The following FMN2 variants were observed in gnomAD, a reference collection of about 807,000 sequenced individuals.
FMN2 encodes formin-2.
A neutral mutation model predicts 142.3 loss-of-function variants in FMN2; 51 were observed. The observed-to-expected ratio is 0.36, with a 90% CI of 0.29 to 0.45. The LOEUF (loss-of-function observed/expected upper bound fraction) is 0.45, where lower values mean the gene tolerates loss of function less well. FMN2 is among the 20% of genes least tolerant of loss of function. FMN2 has a pLI of 1.00. For missense variants in FMN2, 1,936 were observed against 2,122.8 expected, an observed-to-expected ratio of 0.91 and a Z score of 1.73; for synonymous variants, 882 against 869.8, an observed-to-expected ratio of 1.01 and a Z score of -0.25.
At chr1:240,261,135 T>G (rs996590302) in intron 7 of FMN2, among the ~76,000 whole-genome samples, 1 of 152,234 alleles carries the variant, frequency 6.6e-6, no homozygotes, top group Non-Finnish European at 1.5e-5. Context: ...ACCAGTACCA[T>G]GCTGTTTTGG....
chr1:240,138,877 TCTTA>T (rs908525679), intron 2 of FMN2, among the ~76,000 whole-genome samples: 26 of 152,286 alleles, frequency 1.7e-4, no homozygotes, highest in African/African-American at 6.3e-4. Flanking sequence ...AATAAAATAA[TCTTA>T]CTTATATTTG....
chr1:240,355,893 CA>C lies in FMN2; in HGVS notation c.4845del (p.Gln1615HisfsTer17). The C allele has an allele frequency of 7.3e-7, 1 of 1,379,056 alleles. No individual in the cohort carries two copies. The highest frequency in any genetic ancestry group is 9.6e-7 in the Non-Finnish European group (1 of 1,037,018). The allele number at this position is 1,379,056 out of a possible 1,614,324, so 85.4% of individuals were successfully genotyped here. ...GCAGCCTTTCAAGGAAAACATGGAACAATTTATTATTCAAGGTAAATTCCAA... is the reference window on the plus strand; with the variant it reads ...GCAGCCTTTCAAGGAAAACATGGAACATTTATTATTCAAGGTAAATTCCAA... ...HMQPFKENME[Q>X]FIIQAKIDQE... On this transcript the variant is annotated frameshift_variant, in exon 14 of 18. Transcript: ENST00000319653. LOFTEE classifies it high-confidence loss of function.
At chr1:240,240,190 G>T (rs894577552) in intron 6 of FMN2, among the ~76,000 whole-genome samples, 5 of 152,132 alleles carry the variant, frequency 3.3e-5, no homozygotes, top group Non-Finnish European at 7.4e-5. Context: ...GAGGGGTAGT[G>T]TGGAATAGTG....
intron 15 of FMN2, among the ~76,000 whole-genome samples, chr1:240,404,007 T>G (rs1174062537): frequency 6.6e-6 from 1 of 152,208 alleles, no homozygotes. Flanking sequence ...CTGCATGTAA[T>G]ATTGCTTAAG....
intron 16 of FMN2, among the ~76,000 whole-genome samples, chr1:240,461,665 T>C (rs1480127019): frequency 1.3e-5 from 2 of 152,240 alleles, no homozygotes; most frequent in Admixed American, 1.3e-4. Context: ...TTTTGTCCCC[T>C]TTTTAGTGCT....
intron 2 of FMN2, among the ~76,000 whole-genome samples, chr1:240,162,457 C>T (rs1214375905): frequency 6.6e-6 from 1 of 152,034 alleles, no homozygotes; most frequent in African/African-American, 2.4e-5. Context: ...GAGCAAGACT[C>T]CGTCTCAAAA....
At chr1:240,422,976 C>G (rs1674822383) in intron 15 of FMN2, among the ~76,000 whole-genome samples, 1 of 152,060 alleles carries the variant, frequency 6.6e-6, no homozygotes, top group Non-Finnish European at 1.5e-5. Context: ...TTTCTAAGAG[C>G]AGTTGGCTGC....
Position 240,127,842 on chromosome 1 carries a change from T to G in FMN2, c.1782+4497T>G, listed in dbSNP as rs1331717407. On this transcript the variant is annotated intron_variant, in intron 2 of 17. Transcript: ENST00000319653. ...ACAGAAGTAGAAGCAGGAAGGCAGG[T>G]GGGATATGGCAGTAGTTTAGTTCTA... Among the ~76,000 whole-genome samples the G allele has an allele frequency of 2.6e-5, 4 of 152,164 alleles. No homozygotes were observed. The East Asian group carries it at 7.7e-4, about 29-fold the overall frequency.
intron 1 of FMN2, among the ~76,000 whole-genome samples, chr1:240,108,312 T>C (rs1321454637): frequency 6.6e-6 from 1 of 152,234 alleles, no homozygotes; most frequent in South Asian, 2.1e-4. Context: ...TTCTTTTTAC[T>C]ATAAAACCTG....
chr1:240,369,733 T>C (rs1414484786), intron 14 of FMN2, among the ~76,000 whole-genome samples: 1 of 152,220 alleles, frequency 6.6e-6, no homozygotes, highest in African/African-American at 2.4e-5. Context: ...AATTTTTGCT[T>C]CTTTGTTTCT....
intron 8 of FMN2, among the ~76,000 whole-genome samples, chr1:240,321,153 G>C (rs1043458527): frequency 6.9e-6 from 1 of 143,962 alleles, no homozygotes; most frequent in Non-Finnish European, 1.5e-5. Context: ...AATTGAACTT[G>C]TTTTTTTTTT....
At chr1:240,298,009 A>G (rs918483308) in intron 8 of FMN2, among the ~76,000 whole-genome samples, 5 of 152,124 alleles carry the variant, frequency 3.3e-5, no homozygotes, top group African/African-American at 1.2e-4. Context: ...TCATGGCCTA[A>G]TTGCTTCCAA....
At chr1:240,250,699 G>A (rs148055053) in intron 6 of FMN2, among the ~76,000 whole-genome samples, 1 of 152,162 alleles carries the variant, frequency 6.6e-6, no homozygotes, top group African/African-American at 2.4e-5. Flanking sequence ...GAATTTGGCA[G>A]TGACACCATC....
intron 2 of FMN2, among the ~76,000 whole-genome samples, chr1:240,154,924 T>C (rs1663958670): frequency 7.0e-6 from 1 of 142,554 alleles, no homozygotes; most frequent in South Asian, 2.6e-4. Flanking sequence ...CCTTGTGCTG[T>C]CGTCCAGGCT....
intron 2 of FMN2, among the ~76,000 whole-genome samples, chr1:240,160,080 C>A (rs569809945): frequency 1.3e-5 from 2 of 149,358 alleles, no homozygotes; most frequent in Non-Finnish European, 3.0e-5. Flanking sequence ...AGAGTGTTAA[C>A]AAAACCTCTG....
chr1:240,154,842 T>TTCCCTCCC (rs923871885), intron 2 of FMN2: 1 of 102,316 alleles, frequency 9.8e-6, no homozygotes, highest in African/African-American at 3.1e-5. Flanking sequence ...CCTTCCTTCC[T>TTCCCTCCC]TCCCTCCCTC....
chr1:240,163,518 G>C (rs1176076071), intron 2 of FMN2, among the ~76,000 whole-genome samples: 1 of 151,942 alleles, frequency 6.6e-6, no homozygotes, highest in Non-Finnish European at 1.5e-5. Context: ...AGCTATACTT[G>C]CCTTCTTTAG....
intron 6 of FMN2, among the ~76,000 whole-genome samples, chr1:240,233,839 C>T (rs1292591956): frequency 2.0e-5 from 3 of 152,218 alleles, no homozygotes; most frequent in Admixed American, 6.5e-5. Flanking sequence ...ACATTGGCCC[C>T]CTCCCTCCTT....
At chr1:240,404,394 C>A (rs899271906) in intron 15 of FMN2, among the ~76,000 whole-genome samples, 3 of 152,344 alleles carry the variant, frequency 2.0e-5, no homozygotes, top group Non-Finnish European at 4.4e-5. Flanking sequence ...GTTTATCTGG[C>A]TTAGGCTGGC....
Sources: allele counts gnomAD v4.1 joint callset (sites outside exome capture counted in the v4.1 genomes callset), GRCh38; gene constraint gnomAD v4.1.1; transcripts MANE v1.5; gene names NCBI Gene and HGNC (gene_info 2026-07-23, HGNC 2026-07-21).